PKNOX1: variants seen among roughly 807,000 people sequenced by gnomAD.
The protein encoded by PKNOX1 is PBX/knotted 1 homeobox 1.
A neutral mutation model predicts 51.9 loss-of-function variants in PKNOX1; 15 were observed. The observed-to-expected ratio is 0.29, with a 90% confidence interval of 0.19 to 0.45. The LOEUF is 0.45. PKNOX1 is among the 20% of genes least tolerant of loss of function. The pLI is 1.00. For missense variants in PKNOX1, 462 were observed against 547.5 expected (o/e 0.84, Z 1.56); for synonymous variants, 219 against 211.1 (o/e 1.04, Z -0.32).
At chr21:43,015,652 GT>G (rs1393029606) in intron 5 of PKNOX1, among the ~76,000 whole-genome samples, 1 of 152,120 alleles carries the variant, frequency 6.6e-6, no homozygotes, top group African/African-American at 2.4e-5. Flanking sequence ...TAGACTTGGT[GT>G]TATTTCTTAA....
chr21:42,986,808 G>A (rs552946774), intron 1 of PKNOX1, among the ~76,000 whole-genome samples: 13 of 152,078 alleles, frequency 8.5e-5, no homozygotes, highest in South Asian at 8.3e-4. Context: ...GTCTTCAGTC[G>A]TTTTCTGGCT....
intron 9 of PKNOX1, among the ~76,000 whole-genome samples, chr21:43,026,721 C>T (rs569208393): frequency 1.3e-5 from 2 of 152,230 alleles, no homozygotes; most frequent in Admixed American, 6.5e-5. Flanking sequence ...CGCACCATTG[C>T]ACTCCAGCCT....
intron 8 of PKNOX1, among the ~76,000 whole-genome samples, chr21:43,022,494 G>A (rs1267202147): frequency 1.3e-5 from 2 of 152,132 alleles, no homozygotes; most frequent in African/African-American, 4.8e-5. Context: ...GGGAGGAGAA[G>A]GGCCCTCTCC....
chr21:43,018,068 A>G (rs1404893155), intron 6 of PKNOX1, 65 bp from the exon 7 acceptor site: 12 of 825,758 alleles, frequency 1.5e-5, no homozygotes, highest in East Asian at 2.7e-5. Context: ...AAAAAAAAAA[A>G]AAGAAGAATG....
At chr21:42,995,990 G>A (rs1054767982) in intron 1 of PKNOX1, among the ~76,000 whole-genome samples, 6 of 152,164 alleles carry the variant, frequency 3.9e-5, no homozygotes, top group Admixed American at 2.0e-4. Context: ...AAGGCAGGAC[G>A]ATAGCTTGAG....
At chr21:43,023,294 G>A (rs767582374) in intron 8 of PKNOX1, among the ~76,000 whole-genome samples, 69 of 152,042 alleles carry the variant, frequency 4.5e-4, no homozygotes, top group Admixed American at 1.2e-3. Context: ...GAGTCACACT[G>A]CCGTTAGTTT....
intron 7 of PKNOX1, 132 bp downstream of exon 7, chr21:43,018,362 T>TGTCAGTGTTTTGTTTCTTTGTA (rs1223702854): frequency 1.7e-6 from 1 of 606,046 alleles, no homozygotes; most frequent in Non-Finnish European, 3.0e-6. Flanking sequence ...TTTCTCTGAA[T>TGTCAGTGTTTTGTTTCTTTGTA]GTCAGTGTTT....
chr21:43,032,291 G>A lies in PKNOX1; in HGVS notation c.*2190G>A. On this transcript the variant is annotated 3_prime_UTR_variant, in exon 11 of 11. Transcript: ENST00000291547. ...TGGACTCCTTAAAATAAGCACCCATGAAAGCCAGCCAGCCCTTCCTCCTTC... is the reference window on the plus strand; with the variant it reads ...TGGACTCCTTAAAATAAGCACCCATAAAAGCCAGCCAGCCCTTCCTCCTTC... 8.2e-6 allele frequency: 3 copies of A among 365,636 alleles called. No homozygotes were observed. The highest frequency in any genetic ancestry group is 5.2e-5 in the South Asian group (3 of 57,284). The allele number at this position is 365,636 out of a possible 1,614,324, so 22.6% of individuals were successfully genotyped here.
At chr21:42,997,503 A>G (rs1978560382) in intron 1 of PKNOX1, among the ~76,000 whole-genome samples, 1 of 152,248 alleles carries the variant, frequency 6.6e-6, no homozygotes, top group Non-Finnish European at 1.5e-5. Flanking sequence ...TATGTGTCCA[A>G]AAATGTATAA....
Position 43,033,449 on chromosome 21 carries a change from G to A in PKNOX1, c.*3348G>A, listed in dbSNP as rs1410732140. 2 of 152,580 alleles carry A rather than the reference G, an allele frequency of 1.3e-5. No individual in the cohort carries two copies. The highest frequency in any genetic ancestry group is 2.9e-5 in the Non-Finnish European group (2 of 68,038). 9.5% of individuals were successfully genotyped at this position (152,580 alleles called of 1,614,324 possible). A position where few individuals can be genotyped will look rare whatever the true frequency, so the allele number is the denominator to read the frequency against. On this transcript the variant is annotated 3_prime_UTR_variant, in exon 11 of 11. Coordinates refer to ENST00000291547, the MANE Select transcript of PKNOX1 (RefSeq NM_004571.5). The stretch of plus-strand genomic sequence containing the variant: ...CAATCTTTCGTTCTAGTTATATTCG[G>A]TCTTTGAAACTGACAATCTTTGAAA...
At chr21:42,987,488 G>A (rs1254463960) in intron 1 of PKNOX1, among the ~76,000 whole-genome samples, 3 of 147,092 alleles carry the variant, frequency 2.0e-5, no homozygotes, top group Admixed American at 6.9e-5. Context: ...AGTCTAGTAA[G>A]ATTTTTTAAA....
At chr21:42,975,620 G>C (rs1672115) in intron 1 of PKNOX1, among the ~76,000 whole-genome samples, 136,928 of 152,302 alleles carry the variant, frequency 0.9, 61,679 homozygotes, top group African/African-American at 0.92. Context: ...GCTCTGCGAC[G>C]GGACCAGTTA....
At chr21:43,027,820 G>A (rs879759497) in intron 9 of PKNOX1, among the ~76,000 whole-genome samples, 3 of 152,216 alleles carry the variant, frequency 2.0e-5, no homozygotes, top group Admixed American at 6.5e-5. Context: ...GGAGGCTGAG[G>A]CAGCAGAATC....
rs1408728371 is a variant in PKNOX1 at position 43,018,470 on chromosome 21, CCACCCACACACACACACA to C, written c.720+244_720+261del. Among the ~76,000 whole-genome samples, 5 of 15,120 alleles carry C rather than the reference CCACCCACACACACACACA, an allele frequency of 3.3e-4. 2 individuals carry two copies. The highest frequency in any genetic ancestry group is 9.3e-4 in the Admixed American group (2 of 2,148). The allele number at this position is 15,120 out of a possible 152,430, so 9.9% of individuals were successfully genotyped here. A position where few individuals can be genotyped will look rare whatever the true frequency, so the allele number is the denominator to read the frequency against. On this transcript the variant is annotated intron_variant, in intron 7 of 10. Coordinates refer to ENST00000291547, the MANE Select transcript of PKNOX1 (RefSeq NM_004571.5). ...AAAAGTCACTCATAACCACCCCCTGCCACCCACACACACACACACACACACACACACACACACACACAC... is the reference window on the plus strand; with the variant it reads ...AAAAGTCACTCATAACCACCCCCTGCCACACACACACACACACACACACAC...
Position 43,016,954 on chromosome 21 carries a change from T to C in PKNOX1, c.569T>C (p.Val190Ala). Reference sequence around the variant, plus strand: ...GGCACCATCAGCCCTCAGGGAATTGTGGTGCCGGCGTCCGCGCTGCAGCAG... The same window carrying C: ...GGCACCATCAGCCCTCAGGGAATTGCGGTGCCGGCGTCCGCGCTGCAGCAG... Reference protein sequence around the residue: ...ITGTISPQGIVVPASALQQGN... With the variant: ...ITGTISPQGIAVPASALQQGN... Residue 190 changes from valine (V) to alanine (A), a missense_variant, in exon 6 of 11, where the codon GTG (valine) becomes GCG (alanine). Val to Ala is a moderately conservative substitution (Grantham distance 64). This residue lies in a region of PKNOX1 where 126 missense variants were observed against 128.1 expected (regional missense o/e 0.98). Transcript: ENST00000291547. 3 of 1,613,178 alleles carry C rather than the reference T, an allele frequency of 1.9e-6. No individual in the cohort carries two copies. Among genetic ancestry groups the C allele is most frequent in the Non-Finnish European group, 2.5e-6 (3 of 1,179,702 alleles).
At chr21:43,012,105 T>TA (rs1979280626) in intron 4 of PKNOX1, among the ~76,000 whole-genome samples, 1 of 152,236 alleles carries the variant, frequency 6.6e-6, no homozygotes, top group South Asian at 2.1e-4. Context: ...ACTGCATAGA[T>TA]ACCTACGAAT....
intron 1 of PKNOX1, 45 bp from the exon 2 acceptor site, chr21:43,004,281 T>C (rs934811893): frequency 1.3e-6 from 1 of 794,666 alleles, no homozygotes. Context: ...AGACAAAAAA[T>C]GCTCTACAAC....
chr21:43,013,171 C>G lies in PKNOX1; in HGVS notation c.455C>G (p.Thr152Arg). Residue 152 changes from threonine (T) to arginine (R), a missense_variant, in exon 5 of 11, where the codon ACA (threonine) becomes AGA (arginine). Physicochemically the swap from Thr to Arg is moderately conservative, Grantham distance 71 (BLOSUM62 -1). This residue lies in a region of PKNOX1 where 126 missense variants were observed against 128.1 expected (regional missense o/e 0.98). Transcript: ENST00000291547. ...AGTCGATACATTGCTTGTCTGAAAA[C>G]AAAAATGAACAGTGAAACTCTGTTG... ...FCSRYIACLK[T>R]KMNSETLLSG... is the part of the protein sequence containing the mutation. 2 of 1,613,782 alleles carry G rather than the reference C, an allele frequency of 1.2e-6. No individual in the cohort carries two copies. Among genetic ancestry groups the G allele is most frequent in the East Asian group, 2.2e-5 (1 of 44,838 alleles).
chr21:43,032,330 C>A lies in PKNOX1; in HGVS notation c.*2229C>A. 4.9e-6 allele frequency: 2 copies of A among 406,944 alleles called. No homozygotes were observed. The highest frequency in any genetic ancestry group is 5.0e-6 in the Non-Finnish European group (1 of 199,814). The allele number at this position is 406,944 out of a possible 1,614,324, so 25.2% of individuals were successfully genotyped here. The stretch of plus-strand genomic sequence containing the variant: ...CCTTCCTCCTTCCCTCACCACCCTC[C>A]GTCTCTTCGGCTGCTTGCTCTTTAG... On this transcript the variant is annotated 3_prime_UTR_variant, in exon 11 of 11. Coordinates refer to ENST00000291547, the MANE Select transcript of PKNOX1 (RefSeq NM_004571.5).
Sources: gnomAD v4.1 joint callset for allele counts (sites outside exome capture counted in the v4.1 genomes callset) on GRCh38, gnomAD v4.1.1 for gene constraint, gnomAD v4.1.1 regional missense constraint, MANE v1.5 for transcripts, NCBI Gene and HGNC (gene_info 2026-07-23, HGNC 2026-07-21) for gene names.